Variants in TNXB observed in about 807,000 individuals in gnomAD.
TNXB encodes tenascin-X.
In TNXB, 183 loss-of-function variants were observed where a neutral mutation model predicts 340.5. The ratio of observed to expected loss-of-function variants is 0.54; its 90% CI spans 0.48 to 0.61. TNXB has a LOEUF of 0.61. Ranked by LOEUF, TNXB falls within the 20% of genes least tolerant of loss-of-function variation. The probability of loss-of-function intolerance (pLI) is 0.00; values close to 1 mark genes in which losing one functional copy is unlikely to be tolerated. For missense variants in TNXB, 4,613 were observed against 5,446.4 expected (o/e 0.85, Z 4.82); for synonymous variants, 2,121 against 2,314.5 (o/e 0.92, Z 2.40).
Position 32,051,008 on chromosome 6 carries a change from G to A in TNXB, c.9116-687C>T, listed in dbSNP as rs1777255914. ...CCCTGGGAGACCCCAGGCCTCCTCT[G>A]CTCCCACACTTCAGGACTATCTATT... On this transcript the variant is annotated intron_variant, in intron 26 of 43. Coordinates refer to ENST00000644971, the MANE Select transcript of TNXB (RefSeq NM_001365276.2). This position sits in a 1 kb window ranked among gnomAD's most constrained non-coding sequence, Gnocchi z 4.7. Among the ~76,000 whole-genome samples, 1 of 152,160 alleles carries A rather than the reference G, an allele frequency of 6.6e-6. No homozygotes were observed. Among genetic ancestry groups the A allele is most frequent in the African/African-American group, 2.4e-5 (1 of 41,430 alleles).
rs2151888825 is a variant in TNXB, at chr6:32,047,084, G to C, written c.10325-628C>G. On this transcript the variant is annotated intron_variant, in intron 30 of 43. Transcript: ENST00000644971. This position sits in a 1 kb window ranked among gnomAD's most constrained non-coding sequence, Gnocchi z 6.2. Reference sequence around the variant, plus strand: ...GGCAGAGCAGAGGCTTGCCCGGGTGGGGCTGGGGCCGATGGGTGGGGATCT... The same window carrying C: ...GGCAGAGCAGAGGCTTGCCCGGGTGCGGCTGGGGCCGATGGGTGGGGATCT... Among the ~76,000 whole-genome samples the C allele has an allele frequency of 6.6e-6, 1 of 152,346 alleles. No individual in the cohort carries two copies.
chr6:32,093,562 T>G (rs57079996), intron 4 of TNXB: 7,292 of 514,664 alleles, frequency 0.014, 234 homozygotes, highest in East Asian at 0.074. Context: ...GCCCAGGGAG[T>G]TGTTTATTTT....
chr6:32,050,620 C>T (rs187372567), intron 26 of TNXB, among the ~76,000 whole-genome samples: 63 of 152,096 alleles, frequency 4.1e-4, no homozygotes, highest in South Asian at 8.3e-4. Flanking sequence ...CCTCCCTGCA[C>T]TGGGGTCTCC....
Position 32,074,162 on chromosome 6 carries a change from G to A in TNXB, c.4376-210C>T, listed in dbSNP as rs189681897. ...CTCCCAAGTAGCTGGGACTACAGGC[G>A]TGCGCCACCATGCCTGCCTAATTTT... On this transcript the variant is annotated intron_variant, in intron 11 of 43. Transcript: ENST00000644971. The surrounding 1 kb of genome is among the most constrained non-coding windows in gnomAD (Gnocchi z 5.5). Among the ~76,000 whole-genome samples the A allele has an allele frequency of 3.6e-4, 55 of 151,942 alleles. No homozygotes were observed. Among genetic ancestry groups the A allele is most frequent in the Non-Finnish European group, 7.5e-4 (51 of 67,934 alleles).
rs1395083627 is a variant in TNXB, at chr6:32,061,279, G to A, written c.7492+118C>T. ...ATAGGCCACAGCCACAGGGCACAGAGGGAGGGCAGGACACAGGAGACAAGT... is the reference window on the plus strand; with the variant it reads ...ATAGGCCACAGCCACAGGGCACAGAAGGAGGGCAGGACACAGGAGACAAGT... On this transcript the variant is annotated intron_variant, in intron 21 of 43. Coordinates refer to ENST00000644971, the MANE Select transcript of TNXB (RefSeq NM_001365276.2). This position sits in a 1 kb window ranked among gnomAD's most constrained non-coding sequence, Gnocchi z 4.4. 1 of 1,442,420 alleles carries A rather than the reference G, an allele frequency of 6.9e-7. No homozygotes were observed. Among genetic ancestry groups the A allele is most frequent in the Non-Finnish European group, 9.3e-7 (1 of 1,072,968 alleles). The allele number at this position is 1,442,420 out of a possible 1,614,324, so 89.4% of individuals were successfully genotyped here.
Position 32,097,395 on chromosome 6 carries a change from C to A in TNXB, c.458G>T (p.Arg153Leu), listed in dbSNP as rs773546748. The A allele has an allele frequency of 5.6e-6, 9 of 1,609,890 alleles. No homozygotes were observed. The highest frequency in any genetic ancestry group is 6.8e-6 in the Non-Finnish European group (8 of 1,179,492). Reference protein sequence around the residue: ...CSLHGVFDLSRCTCSCEPGWG... With the variant: ...CSLHGVFDLSLCTCSCEPGWG... ...GCCTGGCTCACAGGAACAGGTGCAGCGGCTCAGATCAAACACACCATGGAG... is the reference window on the plus strand; with the variant it reads ...GCCTGGCTCACAGGAACAGGTGCAGAGGCTCAGATCAAACACACCATGGAG... Residue 153 changes from arginine (R) to leucine (L), a missense_variant, in exon 3 of 44, where the codon CGC (arginine) becomes CTC (leucine). Around this residue, in one of 7 missense-constraint regions of TNXB, gnomAD observed 4,327 missense variants for 4,859.4 expected, o/e 0.89. Transcript: ENST00000644971. The surrounding 1 kb of genome is among the most constrained non-coding windows in gnomAD (Gnocchi z 5.9).
In TNXB at chr6:32,081,918, G is replaced by A; in HGVS notation, c.3736+118C>T. 9.5e-7 allele frequency: 1 copy of A among 1,051,458 alleles called. No homozygotes were observed. The highest frequency in any genetic ancestry group is 1.4e-6 in the Non-Finnish European group (1 of 727,844). The allele number at this position is 1,051,458 out of a possible 1,614,324, so 65.1% of individuals were successfully genotyped here. On this transcript the variant is annotated intron_variant, in intron 9 of 43. Transcript: ENST00000644971. This position sits in a 1 kb window ranked among gnomAD's most constrained non-coding sequence, Gnocchi z 5.1. ...CTGGCTGCCCCTCAGCCCTGGAGTGGGGCCGGGAAGCTGGAGTCAGCTGTC... is the reference window on the plus strand; with the variant it reads ...CTGGCTGCCCCTCAGCCCTGGAGTGAGGCCGGGAAGCTGGAGTCAGCTGTC...
Position 32,082,029 on chromosome 6 carries a change from T to A in TNXB, c.3736+7A>T, listed in dbSNP as rs192044997. On this transcript the variant is annotated splice_region_variant and intron_variant, in intron 9 of 43. Transcript: ENST00000644971. This position sits in a 1 kb window ranked among gnomAD's most constrained non-coding sequence, Gnocchi z 5.0. Reference sequence around the variant, plus strand: ...GTCACATGGGGGCTGAGGTGGCTGCTACTCACCAGTGGTGCCATCGGCCGT... The same window carrying A: ...GTCACATGGGGGCTGAGGTGGCTGCAACTCACCAGTGGTGCCATCGGCCGT... 6.3e-7 allele frequency: 1 copy of A among 1,598,392 alleles called. No homozygotes were observed. The highest frequency in any genetic ancestry group is 2.2e-5 in the East Asian group (1 of 44,486).
rs997470696 is a variant in TNXB, at chr6:32,081,054, A to G, written c.4042+314T>C. On this transcript the variant is annotated intron_variant, in intron 10 of 43. Transcript: ENST00000644971. This position sits in a 1 kb window ranked among gnomAD's most constrained non-coding sequence, Gnocchi z 5.1. The stretch of plus-strand genomic sequence containing the variant: ...AAAACTGAGGGGTGAGAACACAGTG[A>G]CCGAATGGTGAGGACATCTGTGGGG... Among the ~76,000 whole-genome samples, 1 of 152,144 alleles carries G rather than the reference A, an allele frequency of 6.6e-6. No individual in the cohort carries two copies. Among genetic ancestry groups the G allele is most frequent in the Non-Finnish European group, 1.5e-5 (1 of 68,028 alleles).
chr6:32,061,578 G>A lies in TNXB; in HGVS notation c.7311C>T (p.Arg2437=). The A allele has an allele frequency of 1.2e-6, 2 of 1,613,302 alleles. No individual in the cohort carries two copies. The highest frequency in any genetic ancestry group is 8.5e-7 in the Non-Finnish European group (1 of 1,179,890). ...TGTACTGCACGGTGAAGGAGTCGAA[G>A]CGGCCCTGGGGGACGGTCCAGGAGA... ...LSLSWTVPQG[R]FDSFTVQYKD... is the part of the protein sequence containing the mutation. Residue 2437 remains arginine, a synonymous_variant, in exon 21 of 44, where the codon CGC becomes CGT. Coordinates refer to ENST00000644971, the MANE Select transcript of TNXB (RefSeq NM_001365276.2). This position sits in a 1 kb window ranked among gnomAD's most constrained non-coding sequence, Gnocchi z 4.4.
rs755541130 is a variant in TNXB, at chr6:32,062,318, T to C, written c.7007A>G (p.Gln2336Arg). The C allele has an allele frequency of 1.2e-6, 2 of 1,613,538 alleles. No individual in the cohort carries two copies. Among genetic ancestry groups the C allele is most frequent in the Non-Finnish European group, 1.7e-6 (2 of 1,179,864 alleles). Residue 2336 changes from glutamine (Q) to arginine (R), a missense_variant, in exon 20 of 44, where the codon CAG becomes CGG. Physicochemically the swap from Gln to Arg is conservative, Grantham distance 43. Around this residue, in one of 7 missense-constraint regions of TNXB, gnomAD observed 4,327 missense variants for 4,859.4 expected, o/e 0.89. Transcript: ENST00000644971. The surrounding 1 kb of genome is among the most constrained non-coding windows in gnomAD (Gnocchi z 4.3). ...PEGQFDHFLV[Q>R]YKNGDGQPKA... ...GGGCTGCCCATCCCCATTCTTGTAC[T>C]GGACCAGGAAGTGGTCAAACTGTCC...
At position 32,075,878 on chromosome 6, in the gene TNXB, A is replaced by G. The variant is rs982236134; in HGVS notation, c.4376-1926T>C. On this transcript the variant is annotated intron_variant, in intron 11 of 43. Coordinates refer to ENST00000644971, the MANE Select transcript of TNXB (RefSeq NM_001365276.2). The surrounding 1 kb of genome is among the most constrained non-coding windows in gnomAD (Gnocchi z 4.6). ...GGCTGGATGGGTGGGGCTCCCAAGA[A>G]CTTGTTTCTCTGGCTTCCTCCGGAG... is the stretch of plus-strand genomic sequence containing the variant. Among the ~76,000 whole-genome samples the G allele has an allele frequency of 6.6e-6, 1 of 151,994 alleles. No homozygotes were observed. The highest frequency in any genetic ancestry group is 2.4e-5 in the African/African-American group (1 of 41,262).
chr6:32,046,126 A>G lies in TNXB; in HGVS notation c.10606+49T>C, dbSNP rs760942068. 2.6e-6 allele frequency: 4 copies of G among 1,552,108 alleles called. No homozygotes were observed. Among genetic ancestry groups the G allele is most frequent in the Non-Finnish European group, 3.5e-6 (4 of 1,144,916 alleles). ...TCTTTGTCTTCAGCCCAAATGCACA[A>G]GGAAACCCACACAAGCTGGCTTGCT... On this transcript the variant is annotated intron_variant, in intron 31 of 43. Transcript: ENST00000644971. The surrounding 1 kb of genome is among the most constrained non-coding windows in gnomAD (Gnocchi z 6.9).
At position 32,087,697 on chromosome 6, in the gene TNXB, C is replaced by A. The variant is rs1360101335; in HGVS notation, c.2779+1088G>T. On this transcript the variant is annotated intron_variant, in intron 6 of 43. Transcript: ENST00000644971. The surrounding 1 kb of genome is among the most constrained non-coding windows in gnomAD (Gnocchi z 9.0). ...CCGCTGCAAGTATTCATGGATGTGG[C>A]GCGCCACCGACGTGTAAGTCTGGTT... The A allele has an allele frequency of 1.3e-5, 6 of 459,814 alleles. No individual in the cohort carries two copies. The highest frequency in any genetic ancestry group is 2.0e-5 in the African/African-American group (1 of 50,014). 28.5% of individuals were successfully genotyped at this position (459,814 alleles called of 1,614,324 possible).
chr6:32,049,991 C>A lies in TNXB; in HGVS notation c.9439+7G>T. 3.7e-6 allele frequency: 6 copies of A among 1,612,956 alleles called. No homozygotes were observed. The highest frequency in any genetic ancestry group is 5.1e-6 in the Non-Finnish European group (6 of 1,179,128). On this transcript the variant is annotated splice_region_variant and intron_variant, in intron 27 of 43. Transcript: ENST00000644971. The surrounding 1 kb of genome is among the most constrained non-coding windows in gnomAD (Gnocchi z 4.5). The stretch of plus-strand genomic sequence containing the variant: ...CTCCCACCCTGGGGCTCCCATCATT[C>A]ACTCACCCGTCACCCCAATGGCAGA...
In TNXB at chr6:32,062,677, C is replaced by G. The variant is rs533174051; in HGVS notation, c.6842-194G>C. Among the ~76,000 whole-genome samples, 1 of 152,324 alleles carries G rather than the reference C, an allele frequency of 6.6e-6. No homozygotes were observed. The highest frequency in any genetic ancestry group is 2.4e-5 in the African/African-American group (1 of 41,570). Reference sequence around the variant, plus strand: ...GAAGTCATGATGCTCAGGTGGCATCCCTGTGATGCTCAGTGTGCAGGCCTG... The same window carrying G: ...GAAGTCATGATGCTCAGGTGGCATCGCTGTGATGCTCAGTGTGCAGGCCTG... On this transcript the variant is annotated intron_variant, in intron 19 of 43. Transcript: ENST00000644971. This position sits in a 1 kb window ranked among gnomAD's most constrained non-coding sequence, Gnocchi z 4.3.
rs1005006097 is a variant in TNXB, at chr6:32,087,133, G to A, written c.2780-1015C>T. 9.6e-6 allele frequency: 4 copies of A among 415,226 alleles called. No individual in the cohort carries two copies. The highest frequency in any genetic ancestry group is 8.1e-5 in the African/African-American group (4 of 49,330). 25.7% of individuals were successfully genotyped at this position (415,226 alleles called of 1,614,324 possible). A position where few individuals can be genotyped will look rare whatever the true frequency, so the allele number is the denominator to read the frequency against. ...CCCCCTGGAGCCCCGGCCAGGTAGG[G>A]CCTGAAGGTAGAAGGGGGCAGTGGG... On this transcript the variant is annotated intron_variant, in intron 6 of 43. Transcript: ENST00000644971. This position sits in a 1 kb window ranked among gnomAD's most constrained non-coding sequence, Gnocchi z 9.0.
At position 32,050,252 on chromosome 6, in the gene TNXB, C is replaced by A. The variant is rs769949134; in HGVS notation, c.9185G>T (p.Arg3062Leu). The A allele has an allele frequency of 3.1e-6, 5 of 1,613,364 alleles. No homozygotes were observed. The African/African-American group carries it at 4.0e-5, about 13-fold the overall frequency. ...TMTPEPPIKP[R>L]LGELTVTDAT... is the part of the protein sequence containing the mutation. Reference sequence around the variant, plus strand: ...ATCTGTCACGGTCAGCTCCCCCAGGCGAGGCTTGATGGGGGGCTCAGGGGT... The same window carrying A: ...ATCTGTCACGGTCAGCTCCCCCAGGAGAGGCTTGATGGGGGGCTCAGGGGT... The change falls in exon 27 of 44, where the codon CGC becomes CTC. Residue 3062 changes from arginine (R) to leucine (L), a missense_variant. By Grantham distance (102) the Arg-to-Leu change is moderately radical. This residue lies in a region of TNXB where 4,327 missense variants were observed against 4,859.4 expected (regional missense o/e 0.89). Transcript: ENST00000644971.
intron 1 of TNXB, among the ~76,000 whole-genome samples, chr6:32,105,422 T>C (rs1337914413): frequency 6.6e-6 from 1 of 152,234 alleles, no homozygotes; most frequent in Non-Finnish European, 1.5e-5. Flanking sequence ...TACTGTGAGA[T>C]TATTTTATTA....
Sources: gnomAD v4.1 joint callset for allele counts (sites outside exome capture counted in the v4.1 genomes callset) on GRCh38, gnomAD v4.1.1 for gene constraint, gnomAD v4.1.1 regional missense constraint, Gnocchi (gnomAD v3.1) non-coding constraint, MANE v1.5 for transcripts, NCBI Gene and HGNC (gene_info 2026-07-23, HGNC 2026-07-21) for gene names.